TBC1D12: variants seen among roughly 807,000 people sequenced by gnomAD.
The protein encoded by TBC1D12 is TBC1 domain family member 12.
TBC1D12 carries 56 observed loss-of-function variants against 86.7 expected under a neutral mutation model. The observed-to-expected ratio is 0.65, with a 90% CI of 0.52 to 0.81. TBC1D12 has a LOEUF of 0.81. Ranked by LOEUF, TBC1D12 falls within the 30% of genes least tolerant of loss-of-function variation. The pLI is 0.00. For synonymous variants in TBC1D12, 421 were observed against 411.7 expected, an observed-to-expected ratio of 1.02 and a Z score of -0.27; for missense variants, 1,023 against 1,038.8, an observed-to-expected ratio of 0.98 and a Z score of 0.21.
intron 2 of TBC1D12, among the ~76,000 whole-genome samples, chr10:94,470,526 G>A (rs114507718): frequency 0.014 from 2,111 of 151,784 alleles, 54 homozygotes; most frequent in African/African-American, 0.046. Flanking sequence ...ACCATACTTG[G>A]CTAATTTTGT....
chr10:94,431,338 C>T (rs923847955), intron 1 of TBC1D12, among the ~76,000 whole-genome samples: 2 of 151,384 alleles, frequency 1.3e-5, no homozygotes, highest in African/African-American at 4.9e-5. Flanking sequence ...TCGCTTGAAC[C>T]CAGGAGGTGG....
At chr10:94,431,196 C>T (rs2055210273) in intron 1 of TBC1D12, among the ~76,000 whole-genome samples, 1 of 152,044 alleles carries the variant, frequency 6.6e-6, no homozygotes, top group South Asian at 2.1e-4. Flanking sequence ...GGTTGGATCT[C>T]TTGAGGTCAG....
At chr10:94,440,302 G>A (rs1156342748) in intron 1 of TBC1D12, among the ~76,000 whole-genome samples, 1 of 151,842 alleles carries the variant, frequency 6.6e-6, no homozygotes. Flanking sequence ...CCAAGTAGCA[G>A]GGACTACAAG....
chr10:94,475,687 C>T (rs1423325599), intron 3 of TBC1D12, among the ~76,000 whole-genome samples: 1 of 152,202 alleles, frequency 6.6e-6, no homozygotes, highest in Non-Finnish European at 1.5e-5. Flanking sequence ...CCACCCATCT[C>T]AGCCTCCCAA....
intron 2 of TBC1D12, among the ~76,000 whole-genome samples, chr10:94,464,624 T>G (rs906993271): frequency 6.6e-6 from 1 of 152,092 alleles, no homozygotes; most frequent in Non-Finnish European, 1.5e-5. Context: ...TACCACCATG[T>G]GTGGCTAATT....
intron 2 of TBC1D12, among the ~76,000 whole-genome samples, chr10:94,465,724 A>G (rs1324811536): frequency 6.6e-6 from 1 of 150,614 alleles, no homozygotes; most frequent in Non-Finnish European, 1.5e-5. Context: ...GTATACATAC[A>G]TACATACATA....
chr10:94,481,688 A>T (rs550823977), intron 3 of TBC1D12, among the ~76,000 whole-genome samples: 11 of 152,212 alleles, frequency 7.2e-5, no homozygotes, highest in Non-Finnish European at 1.3e-4. Flanking sequence ...CTTATCATTT[A>T]TGTGTTCATT....
At chr10:94,436,992 C>A (rs2055309261) in intron 1 of TBC1D12, among the ~76,000 whole-genome samples, 1 of 151,840 alleles carries the variant, frequency 6.6e-6, no homozygotes, top group South Asian at 2.1e-4. Flanking sequence ...AGGCATGAGC[C>A]ATCATGCCCG....
rs374619565 is a variant in TBC1D12, at chr10:94,454,813, A to G, written c.1095+12794A>G. Among the ~76,000 whole-genome samples, 45 of 152,282 alleles carry G rather than the reference A, an allele frequency of 3.0e-4. 1 individual carries two copies. The East Asian group carries it at 4.0e-3, about 14-fold the overall frequency. ...TTTTTTTGGACTTTCTCCATAGACA[A>G]TCATGTCATCTGTAAACAAAGACAA... is the stretch of plus-strand genomic sequence containing the variant. On this transcript the variant is annotated intron_variant, in intron 2 of 12. Transcript: ENST00000225235.
At chr10:94,531,104 C>A in intron 11 of TBC1D12, 98 bp from the exon 12 acceptor site, 1 of 1,358,322 alleles carries the variant, frequency 7.4e-7, no homozygotes, top group Non-Finnish European at 1.0e-6. Context: ...GCCTTCTTAT[C>A]CCTAATTAAA....
Position 94,403,477 on chromosome 10 carries a change from C to A in TBC1D12, c.864C>A (p.His288Gln). The A allele has an allele frequency of 1.3e-6, 2 of 1,542,514 alleles. No homozygotes were observed. Among genetic ancestry groups the A allele is most frequent in the Non-Finnish European group, 1.7e-6 (2 of 1,144,970 alleles). Residue 288 changes from histidine (H) to glutamine (Q), a missense_variant, in exon 1 of 13, where the codon CAC (histidine) becomes CAA (glutamine). This residue lies in a region of TBC1D12 where 628 missense variants were observed against 531.1 expected (regional missense o/e 1.18). Transcript: ENST00000225235. ...GCCGCGGTCAGAGCGCCCGCGATCA[C>A]CTGCCCCCGGCGGGGCCGCCGGTGC... ...QVSRGQSARDHLPPAGPPVPL... is the reference protein window; with the variant it reads ...QVSRGQSARDQLPPAGPPVPL...
At chr10:94,457,427 A>AT (rs2055644778) in intron 2 of TBC1D12, among the ~76,000 whole-genome samples, 3 of 151,838 alleles carry the variant, frequency 2.0e-5, no homozygotes, top group Admixed American at 2.0e-4. Context: ...GTTTTGTTTT[A>AT]TTTTTGAGAC....
intron 11 of TBC1D12, among the ~76,000 whole-genome samples, chr10:94,524,592 A>G (rs1842239659): frequency 6.6e-6 from 1 of 151,896 alleles, no homozygotes; most frequent in South Asian, 2.1e-4. Context: ...TAGAAAAATT[A>G]GCCAGGCATG....
At position 94,506,286 on chromosome 10, in the gene TBC1D12, G is replaced by A. The variant is rs560035202; in HGVS notation, c.1520-981G>A. On this transcript the variant is annotated intron_variant, in intron 6 of 12. Transcript: ENST00000225235. ...ACTCCTGACCTCAGGTGATCCACCC[G>A]CCTCGGCCTCCCAAAGTGCTGGGAT... 2.5e-4 allele frequency among the ~76,000 whole-genome samples: 38 copies of A among 152,184 alleles called. No homozygotes were observed. The South Asian group carries it at 5.6e-3, about 22-fold the overall frequency.
At chr10:94,461,642 C>T (rs1018909822) in intron 2 of TBC1D12, among the ~76,000 whole-genome samples, 1 of 151,972 alleles carries the variant, frequency 6.6e-6, no homozygotes, top group Non-Finnish European at 1.5e-5. Context: ...CTGCCTACCC[C>T]CTGGAGTTCT....
intron 3 of TBC1D12, among the ~76,000 whole-genome samples, chr10:94,475,405 A>C (rs1372959750): frequency 3.3e-5 from 5 of 151,996 alleles, no homozygotes; most frequent in African/African-American, 1.2e-4. Context: ...TTATTTATTT[A>C]TGTTTGTTTG....
chr10:94,417,634 A>G (rs1316886772), intron 1 of TBC1D12, among the ~76,000 whole-genome samples: 2 of 152,216 alleles, frequency 1.3e-5, no homozygotes, highest in Admixed American at 6.5e-5. Context: ...AGTTCTGTAC[A>G]TTGCTTTATA....
At chr10:94,426,609 CTT>C (rs1197326606) in intron 1 of TBC1D12, among the ~76,000 whole-genome samples, 1 of 152,162 alleles carries the variant, frequency 6.6e-6, no homozygotes, top group Non-Finnish European at 1.5e-5. Context: ...CACAGTCTCA[CTT>C]TGTCACCCAG....
intron 6 of TBC1D12, among the ~76,000 whole-genome samples, chr10:94,501,083 T>G (rs1028180868): frequency 2.1e-5 from 3 of 141,498 alleles, no homozygotes; most frequent in Admixed American, 7.2e-5. Context: ...AATGAATGAA[T>G]GAATGAATGA....
Sources: allele counts gnomAD v4.1 joint callset (sites outside exome capture counted in the v4.1 genomes callset), GRCh38; gene constraint gnomAD v4.1.1; regional missense constraint gnomAD v4.1.1; transcripts MANE v1.5; gene names NCBI Gene and HGNC (gene_info 2026-07-23, HGNC 2026-07-21).